CRYZL1: variants seen among roughly 807,000 people sequenced by gnomAD.
CRYZL1 encodes ferry endosomal RAB5 effector complex subunit 4.
In CRYZL1, 34 loss-of-function variants were observed where a neutral mutation model predicts 50.6. That is an observed-to-expected ratio of 0.67 (90% CI 0.51 to 0.89). The LOEUF is 0.89. Ranked by LOEUF, CRYZL1 falls within the 40% of genes least tolerant of loss-of-function variation. The pLI is 0.00. For missense variants in CRYZL1, 354 were observed against 402.3 expected (o/e 0.88, Z 1.03); for synonymous variants, 125 against 134.3 (o/e 0.93, Z 0.48).
intron 3 of CRYZL1, among the ~76,000 whole-genome samples, chr21:33,624,340 A>C (rs1352738910): frequency 6.6e-6 from 1 of 152,166 alleles, no homozygotes; most frequent in Non-Finnish European, 1.5e-5. Context: ...TGAGGTCAGG[A>C]GTTTGAGACC....
chr21:33,634,672 C>T (rs1473364264), intron 1 of CRYZL1, among the ~76,000 whole-genome samples: 2 of 151,414 alleles, frequency 1.3e-5, no homozygotes, highest in Non-Finnish European at 2.9e-5. Context: ...AGAAGTGGAA[C>T]AATTACGTAT....
intron 1 of CRYZL1, among the ~76,000 whole-genome samples, chr21:33,635,552 C>T (rs1205865013): frequency 6.6e-6 from 1 of 151,668 alleles, no homozygotes; most frequent in Non-Finnish European, 1.5e-5. Flanking sequence ...GACGGGGTTT[C>T]ACCGTGTTAG....
At chr21:33,641,201 C>T (rs75101644) in intron 1 of CRYZL1, 62,502 of 1,550,326 alleles carry the variant, frequency 0.04, 1,712 homozygotes, top group Admixed American at 0.11. Flanking sequence ...ATGATTCCGC[C>T]GTTTAGCATA....
intron 4 of CRYZL1, chr21:33,617,237 A>G: frequency 6.5e-6 from 1 of 154,500 alleles, no homozygotes; most frequent in Non-Finnish European, 1.4e-5. Context: ...GCTGGTCTTG[A>G]ACTCCTGACC....
Position 33,610,607 on chromosome 21 carries a change from C to T in CRYZL1, c.331+2931G>A, listed in dbSNP as rs114440574. 9.7e-3 allele frequency among the ~76,000 whole-genome samples: 1,475 copies of T among 152,106 alleles called. 25 individuals are homozygous for T. The highest frequency in any genetic ancestry group is 0.034 in the African/African-American group (1,413 of 41,490). On this transcript the variant is annotated intron_variant, in intron 6 of 12. Transcript: ENST00000381554. ...GAAAAAGGCCATTTGTGTGGTTTGC[C>T]GGTCTTAGCTTAAACTTTATAGCTA...
intron 5 of CRYZL1, 72 bp downstream of exon 5, chr21:33,616,634 A>G: frequency 6.2e-7 from 1 of 1,601,460 alleles, no homozygotes; most frequent in Non-Finnish European, 8.5e-7. Context: ...GTGAACATTA[A>G]TAGTTATATA....
At chr21:33,629,115 G>A (rs1378783138) in intron 2 of CRYZL1, among the ~76,000 whole-genome samples, 1 of 151,784 alleles carries the variant, frequency 6.6e-6, no homozygotes, top group Non-Finnish European at 1.5e-5. Flanking sequence ...CATGTCTGTA[G>A]TCTCAGTTAC....
chr21:33,606,326 TA>T (rs1031747767), intron 6 of CRYZL1, among the ~76,000 whole-genome samples: 22 of 152,118 alleles, frequency 1.4e-4, no homozygotes, highest in Admixed American at 8.5e-4. Flanking sequence ...ATGTTGTCCT[TA>T]AAGAAATGCT....
At chr21:33,631,406 G>T in intron 2 of CRYZL1, 80 bp downstream of exon 2, 1 of 1,033,066 alleles carries the variant, frequency 9.7e-7, no homozygotes, top group Non-Finnish European at 1.4e-6. Context: ...AAGTCTCACT[G>T]AAAATAACGT....
intron 6 of CRYZL1, among the ~76,000 whole-genome samples, chr21:33,611,481 A>G (rs564412135): frequency 6.6e-6 from 1 of 152,320 alleles, no homozygotes; most frequent in South Asian, 2.1e-4. Flanking sequence ...TTTAGAAATG[A>G]AATGCCAAAG....
At chr21:33,599,048 G>T in intron 9 of CRYZL1, 102 bp downstream of exon 9, 1 of 984,132 alleles carries the variant, frequency 1.0e-6, no homozygotes, top group Non-Finnish European at 1.5e-6. Context: ...TGAACATCTG[G>T]TTTAATAAGT....
chr21:33,621,598 C>T (rs2087002957), intron 4 of CRYZL1, among the ~76,000 whole-genome samples: 1 of 152,136 alleles, frequency 6.6e-6, no homozygotes, highest in Non-Finnish European at 1.5e-5. Flanking sequence ...GCCTCAGCCT[C>T]CCAAAGTGCT....
intron 2 of CRYZL1, among the ~76,000 whole-genome samples, chr21:33,626,800 A>G (rs550052767): frequency 6.6e-6 from 1 of 152,252 alleles, no homozygotes; most frequent in South Asian, 2.1e-4. Context: ...GTATCACCTC[A>G]TCTAAACAAC....
chr21:33,595,361 A>C, intron 11 of CRYZL1: 1 of 1,299,312 alleles, frequency 7.7e-7, no homozygotes, highest in South Asian at 1.2e-5. Flanking sequence ...GCAACCTTTC[A>C]AGGTGATGTG....
intron 8 of CRYZL1, among the ~76,000 whole-genome samples, chr21:33,602,027 G>T (rs1601329775): frequency 2.1e-5 from 3 of 143,070 alleles, no homozygotes; most frequent in East Asian, 2.1e-4. Flanking sequence ...ATTATATATA[G>T]ATGAGGTCTT....
rs865794336 is a variant in CRYZL1 at position 33,628,088 on chromosome 21, G to T, written c.67-3328C>A. On this transcript the variant is annotated intron_variant, in intron 2 of 12. Coordinates refer to ENST00000381554, the MANE Select transcript of CRYZL1 (RefSeq NM_145858.3). Reference sequence around the variant, plus strand: ...AAACATGGCTACTTTCTGGAAACTTGCATTATTGTGGTATTCGGAATACAT... The same window carrying T: ...AAACATGGCTACTTTCTGGAAACTTTCATTATTGTGGTATTCGGAATACAT... Among the ~76,000 whole-genome samples the T allele has an allele frequency of 2.0e-5, 3 of 152,224 alleles. No individual in the cohort carries two copies. In the South Asian group the frequency reaches 6.2e-4, roughly 32 times the overall value.
chr21:33,593,132 A>C (rs2086660072), intron 11 of CRYZL1, among the ~76,000 whole-genome samples: 1 of 151,332 alleles, frequency 6.6e-6, no homozygotes, highest in Non-Finnish European at 1.5e-5. Flanking sequence ...TTTGAGACGG[A>C]GTCTCGCTAT....
chr21:33,589,635 C>A lies in CRYZL1; in HGVS notation c.*187G>T, dbSNP rs1009388888. ...ATGTTAATTATAGAATTATCTTGAT[C>A]ATTTGCACAAGAATTTTTCAAACAC... On this transcript the variant is annotated 3_prime_UTR_variant, in exon 13 of 13. Transcript: ENST00000381554. 8 of 567,544 alleles carry A rather than the reference C, an allele frequency of 1.4e-5. No individual in the cohort carries two copies. The highest frequency in any genetic ancestry group is 2.4e-5 in the South Asian group (1 of 41,414). 35.2% of individuals were successfully genotyped at this position (567,544 alleles called of 1,614,324 possible).
intron 2 of CRYZL1, among the ~76,000 whole-genome samples, 190 bp downstream of exon 2, chr21:33,631,292 AACTT>A (rs2087134692): frequency 6.6e-6 from 1 of 152,166 alleles, no homozygotes; most frequent in African/African-American, 2.4e-5. Flanking sequence ...AACAAAATAA[AACTT>A]AAAAAATAGT....
Sources: allele counts gnomAD v4.1 joint callset (sites outside exome capture counted in the v4.1 genomes callset), GRCh38; gene constraint gnomAD v4.1.1; transcripts MANE v1.5; gene names NCBI Gene and HGNC (gene_info 2026-07-23, HGNC 2026-07-21).